GRM8: variants seen among roughly 807,000 people sequenced by gnomAD.
The protein encoded by GRM8 is glutamate metabotropic receptor 8, also known as metabotropic glutamate receptor 8.
In GRM8, 47 loss-of-function variants were observed where a neutral mutation model predicts 87.2. That is an observed-to-expected ratio of 0.54 (90% confidence interval 0.43 to 0.69). The LOEUF is 0.69. Ranked by LOEUF, GRM8 falls within the 30% of genes least tolerant of loss-of-function variation. The probability of loss-of-function intolerance (pLI) is 0.00; values close to 1 mark genes in which losing one functional copy is unlikely to be tolerated. For synonymous variants in GRM8, 396 were observed against 404.5 expected, an observed-to-expected ratio of 0.98 and a Z score of 0.25; for missense variants, 1,019 against 1,139.2, an observed-to-expected ratio of 0.89 and a Z score of 1.52.
At chr7:127,148,577 C>T (rs945354213) in intron 2 of GRM8, among the ~76,000 whole-genome samples, 1 of 151,830 alleles carries the variant, frequency 6.6e-6, no homozygotes, top group Non-Finnish European at 1.5e-5. Flanking sequence ...ATATGTTAGG[C>T]CACGAAACAA....
intron 7 of GRM8, among the ~76,000 whole-genome samples, chr7:126,753,550 A>G (rs1432318330): frequency 6.6e-6 from 1 of 151,962 alleles, no homozygotes; most frequent in Non-Finnish European, 1.5e-5. Context: ...GAAAAAATTC[A>G]AGATGATTAA....
intron 7 of GRM8, among the ~76,000 whole-genome samples, chr7:126,644,655 T>C (rs976492640): frequency 2.0e-5 from 3 of 152,178 alleles, no homozygotes; most frequent in Non-Finnish European, 4.4e-5. Flanking sequence ...TATAACCAAT[T>C]TCCAAATGCT....
chr7:126,776,328 T>A (rs191530851), intron 6 of GRM8, among the ~76,000 whole-genome samples: 120 of 152,208 alleles, frequency 7.9e-4, no homozygotes, highest in African/African-American at 2.8e-3. Flanking sequence ...AACTATCTGA[T>A]TAAATATGGC....
At chr7:127,105,983 T>G (rs1475777665) in intron 3 of GRM8, among the ~76,000 whole-genome samples, 7 of 152,168 alleles carry the variant, frequency 4.6e-5, no homozygotes, top group Admixed American at 4.6e-4. Flanking sequence ...ACCCTAAGCT[T>G]CAGAGTTTTA....
chr7:127,179,231 A>G (rs574277519), intron 2 of GRM8, among the ~76,000 whole-genome samples: 1 of 152,328 alleles, frequency 6.6e-6, no homozygotes, highest in Non-Finnish European at 1.5e-5. Context: ...CAAACTTTAA[A>G]GCAACAGCAG....
At chr7:126,988,587 C>G (rs1812340862) in intron 3 of GRM8, among the ~76,000 whole-genome samples, 2 of 152,156 alleles carry the variant, frequency 1.3e-5, no homozygotes, top group African/African-American at 4.8e-5. Flanking sequence ...TTGTACAAAT[C>G]ATTTTTCTGC....
intron 2 of GRM8, among the ~76,000 whole-genome samples, chr7:127,119,868 T>G (rs919880155): frequency 1.3e-5 from 2 of 152,214 alleles, no homozygotes; most frequent in Non-Finnish European, 1.5e-5. Context: ...TTTCATCCTT[T>G]AAGTGTTAGC....
intron 3 of GRM8, among the ~76,000 whole-genome samples, chr7:127,095,444 T>C (rs1339230216): frequency 6.6e-6 from 1 of 152,150 alleles, no homozygotes; most frequent in East Asian, 1.9e-4. Flanking sequence ...CACACACTGA[T>C]TGCATGTAAG....
intron 2 of GRM8, among the ~76,000 whole-genome samples, chr7:127,146,047 C>T (rs1223251082): frequency 6.6e-6 from 1 of 151,858 alleles, no homozygotes; most frequent in African/African-American, 2.4e-5. Context: ...CTCTCTGGGG[C>T]CCTGAGAGGA....
At chr7:127,152,156 T>C (rs1792424300) in intron 2 of GRM8, among the ~76,000 whole-genome samples, 1 of 152,098 alleles carries the variant, frequency 6.6e-6, no homozygotes, top group Non-Finnish European at 1.5e-5. Flanking sequence ...GGCCAGAGCA[T>C]ATGTTTTAAG....
chr7:127,231,564 T>C (rs1797685538), intron 2 of GRM8, among the ~76,000 whole-genome samples: 1 of 152,240 alleles, frequency 6.6e-6, no homozygotes, highest in Non-Finnish European at 1.5e-5. Context: ...CTAGAACAAG[T>C]ACTTCTGAAG....
At chr7:127,203,627 G>A (rs1195181451) in intron 2 of GRM8, among the ~76,000 whole-genome samples, 1 of 152,090 alleles carries the variant, frequency 6.6e-6, no homozygotes, top group Non-Finnish European at 1.5e-5. Context: ...AGAATCGCTT[G>A]AACCAGGGAA....
chr7:126,705,712 T>A (rs1000749840), intron 7 of GRM8, among the ~76,000 whole-genome samples: 1 of 152,304 alleles, frequency 6.6e-6, no homozygotes, highest in South Asian at 2.1e-4. Context: ...CATTAAGAGA[T>A]GTAAAACTGT....
intron 7 of GRM8, among the ~76,000 whole-genome samples, chr7:126,639,470 C>T (rs770952262): frequency 3.9e-5 from 6 of 152,210 alleles, no homozygotes; most frequent in Middle Eastern, 3.4e-3. Context: ...GCTTATCTCT[C>T]GGCTTCTTTG....
At chr7:127,053,727 G>T (rs1368021724) in intron 3 of GRM8, among the ~76,000 whole-genome samples, 3 of 137,394 alleles carry the variant, frequency 2.2e-5, no homozygotes, top group South Asian at 2.5e-4. Flanking sequence ...GGCAGAGGTT[G>T]CAGTGAGCTA....
chr7:126,561,882 T>C (rs202149407), intron 8 of GRM8, among the ~76,000 whole-genome samples: 3 of 12,856 alleles, frequency 2.3e-4, no homozygotes, highest in Non-Finnish European at 9.1e-4. Flanking sequence ...CGGTGTTTGG[T>C]TTTTTTGTCC....
Position 126,796,543 on chromosome 7 carries a change from TATA to T in GRM8, c.1157-26481_1157-26479del, listed in dbSNP as rs535931370. Among the ~76,000 whole-genome samples the T allele has an allele frequency of 3.3e-4, 50 of 152,198 alleles. No individual in the cohort carries two copies. In the East Asian group the frequency reaches 8.5e-3, roughly 26 times the overall value. On this transcript the variant is annotated intron_variant, in intron 6 of 10. Transcript: ENST00000339582. ...CTCCTGGCAAACTATTTCTCACTAA[TATA>T]ATGATAGGGGAGTGGCTCATAGGAA...
intron 3 of GRM8, among the ~76,000 whole-genome samples, chr7:127,027,939 G>A (rs1488336764): frequency 6.6e-6 from 1 of 152,046 alleles, no homozygotes; most frequent in Non-Finnish European, 1.5e-5. Context: ...TCCAGTTTTT[G>A]CCCATTCACT....
chr7:127,218,566 A>G (rs1451162621), intron 2 of GRM8, among the ~76,000 whole-genome samples: 1 of 152,220 alleles, frequency 6.6e-6, no homozygotes, highest in Non-Finnish European at 1.5e-5. Context: ...ACAACTGAGT[A>G]AAATGCTGAG....
Sources: allele counts gnomAD v4.1 joint callset (sites outside exome capture counted in the v4.1 genomes callset), GRCh38; gene constraint gnomAD v4.1.1; transcripts MANE v1.5; gene names NCBI Gene and HGNC (gene_info 2026-07-23, HGNC 2026-07-21).